SLC35F4: variants seen among roughly 807,000 people sequenced by gnomAD.
The protein encoded by SLC35F4 is chromosome 14 open reading frame 36.
Under a neutral mutation model 44.2 loss-of-function variants are expected in SLC35F4, and 24 were observed. That is an observed-to-expected ratio of 0.54 (90% CI 0.39 to 0.76). The LOEUF is 0.76. Ranked by LOEUF, SLC35F4 falls within the 30% of genes least tolerant of loss-of-function variation. SLC35F4 has a pLI of 0.00. For missense variants in SLC35F4, 562 were observed against 586.1 expected, an observed-to-expected ratio of 0.96 and a Z score of 0.42; for synonymous variants, 238 against 223.6, an observed-to-expected ratio of 1.06 and a Z score of -0.57.
chr14:57,677,653 T>G (rs62005170), intron 1 of SLC35F4, among the ~76,000 whole-genome samples: 9,309 of 151,934 alleles, frequency 0.061, 428 homozygotes, highest in South Asian at 0.097. Flanking sequence ...AGGAAACAAA[T>G]GAGATGACTA....
intron 1 of SLC35F4, among the ~76,000 whole-genome samples, chr14:57,849,924 G>A (rs554191045): frequency 1.2e-4 from 18 of 152,260 alleles, no homozygotes; most frequent in South Asian, 4.1e-4. Flanking sequence ...AAACCAGTAC[G>A]TCTTGGTAAA....
intron 3 of SLC35F4, among the ~76,000 whole-genome samples, chr14:57,582,462 A>G (rs1425526557): frequency 2.0e-5 from 3 of 152,154 alleles, no homozygotes; most frequent in African/African-American, 7.2e-5. Context: ...TTGGCCTCCC[A>G]AAGTGCTGAG....
intron 1 of SLC35F4, among the ~76,000 whole-genome samples, chr14:57,620,503 C>T (rs2072119135): frequency 1.3e-5 from 2 of 152,124 alleles, no homozygotes; most frequent in Non-Finnish European, 2.9e-5. Flanking sequence ...GAGATTCTGT[C>T]ACCACCAGGC....
intron 1 of SLC35F4, among the ~76,000 whole-genome samples, chr14:57,900,836 A>C (rs1229612455): frequency 6.6e-6 from 1 of 152,246 alleles, no homozygotes. Context: ...CAAGAAAAAA[A>C]ACCCATTAAA....
At chr14:57,782,874 A>G (rs1595051053) in intron 1 of SLC35F4, among the ~76,000 whole-genome samples, 1 of 152,214 alleles carries the variant, frequency 6.6e-6, no homozygotes, top group Non-Finnish European at 1.5e-5. Context: ...AAGTCATGAC[A>G]TTACAAAAAT....
intron 1 of SLC35F4, among the ~76,000 whole-genome samples, chr14:57,952,338 C>G (rs919957134): frequency 2.6e-5 from 4 of 152,092 alleles, no homozygotes; most frequent in African/African-American, 9.7e-5. Context: ...AAAAAAACAG[C>G]ACAAAAAGGC....
At chr14:57,673,427 C>T (rs559988115) in intron 1 of SLC35F4, among the ~76,000 whole-genome samples, 6 of 152,148 alleles carry the variant, frequency 3.9e-5, no homozygotes, top group African/African-American at 1.2e-4. Flanking sequence ...GTATAATTTC[C>T]CAGATCTGTA....
chr14:57,774,108 G>A (rs756882641), intron 1 of SLC35F4, among the ~76,000 whole-genome samples: 33 of 151,270 alleles, frequency 2.2e-4, no homozygotes, highest in Admixed American at 7.9e-4. Context: ...TCCAAACGAG[G>A]GAAGGGGACA....
At chr14:57,565,746 A>C (rs1372285755) in intron 7 of SLC35F4, among the ~76,000 whole-genome samples, 1 of 152,210 alleles carries the variant, frequency 6.6e-6, no homozygotes, top group African/African-American at 2.4e-5. Context: ...TTACAAATTC[A>C]GCCATAAGCA....
At chr14:57,862,364 A>G (rs1887754352) in intron 1 of SLC35F4, among the ~76,000 whole-genome samples, 1 of 152,242 alleles carries the variant, frequency 6.6e-6, no homozygotes, top group Non-Finnish European at 1.5e-5. Flanking sequence ...GTCCCAGTAC[A>G]GCAGTGAGAC....
At chr14:57,882,761 C>T (rs1000617149) in intron 1 of SLC35F4, among the ~76,000 whole-genome samples, 1 of 152,114 alleles carries the variant, frequency 6.6e-6, no homozygotes, top group East Asian at 1.9e-4. Flanking sequence ...TGCAATAAAA[C>T]ATGATTTTAA....
Position 57,865,858 on chromosome 14 carries a change from G to C in SLC35F4, c.-33C>G. On this transcript the variant is annotated 5_prime_UTR_variant, in exon 1 of 8. Coordinates refer to ENST00000556826, the MANE Select transcript of SLC35F4 (RefSeq NM_001306087.2). ...GCGGGGCGACGGCCCCGAGTGCGGC[G>C]GGGCGGAGAGCGCAGCGCGGGGCCC... 6.9e-7 allele frequency: 1 copy of C among 1,455,344 alleles called. No homozygotes were observed. The highest frequency in any genetic ancestry group is 2.8e-5 in the East Asian group (1 of 36,186). The allele number at this position is 1,455,344 out of a possible 1,614,324, so 90.2% of individuals were successfully genotyped here.
intron 1 of SLC35F4, chr14:57,630,841 A>G (rs750875043): frequency 6.2e-5 from 49 of 784,644 alleles, no homozygotes; most frequent in South Asian, 1.1e-4. Context: ...TCAAAATGAT[A>G]TGCTGTTGAG....
chr14:57,618,552 A>G (rs2071991291), intron 1 of SLC35F4, among the ~76,000 whole-genome samples: 1 of 152,170 alleles, frequency 6.6e-6, no homozygotes, highest in South Asian at 2.1e-4. Context: ...ACAGACAAGG[A>G]GATTCCCTCC....
chr14:57,793,224 T>C (rs186360780), intron 1 of SLC35F4, among the ~76,000 whole-genome samples: 217 of 152,172 alleles, frequency 1.4e-3, no homozygotes, highest in African/African-American at 4.8e-3. Flanking sequence ...CTCCACCTTT[T>C]TTATGCTCAT....
chr14:57,762,727 C>G (rs2077153344), intron 1 of SLC35F4, among the ~76,000 whole-genome samples: 1 of 152,100 alleles, frequency 6.6e-6, no homozygotes, highest in South Asian at 2.1e-4. Flanking sequence ...TCTCCCTTTC[C>G]TCCTCTTTCT....
At position 57,772,629 on chromosome 14, in the gene SLC35F4, G is replaced by A. The variant is rs1222125066; in HGVS notation, c.103+93094C>T. ...GTGAGGACATGTAGTATTTGATTTC[G>A]GGCTTTTGAGTTAGTTCACTTAGAA... On this transcript the variant is annotated intron_variant, in intron 1 of 7. Coordinates refer to ENST00000556826, the MANE Select transcript of SLC35F4 (RefSeq NM_001306087.2). 6.6e-5 allele frequency among the ~76,000 whole-genome samples: 10 copies of A among 152,136 alleles called. No homozygotes were observed. In the East Asian group the frequency reaches 1.5e-3, roughly 24 times the overall value.
chr14:57,736,557 A>G (rs1361758041), intron 1 of SLC35F4, among the ~76,000 whole-genome samples: 1 of 152,162 alleles, frequency 6.6e-6, no homozygotes, highest in Non-Finnish European at 1.5e-5. Flanking sequence ...CTCTCTCCAC[A>G]TATTCAACAG....
chr14:57,792,114 TA>T (rs1198554026), intron 1 of SLC35F4, among the ~76,000 whole-genome samples: 19 of 149,688 alleles, frequency 1.3e-4, no homozygotes, highest in South Asian at 6.3e-4. Context: ...AAGTATAATT[TA>T]AAAAAAAAGG....
Sources: gnomAD v4.1 joint callset for allele counts (sites outside exome capture counted in the v4.1 genomes callset) on GRCh38, gnomAD v4.1.1 for gene constraint, MANE v1.5 for transcripts, NCBI Gene and HGNC (gene_info 2026-07-23, HGNC 2026-07-21) for gene names.